PISD: variants seen among roughly 807,000 people sequenced by gnomAD.
PISD encodes the protein phosphatidylserine decarboxylase.
Under a neutral mutation model 43.5 loss-of-function variants are expected in PISD, and 31 were observed. That is an observed-to-expected ratio of 0.71 (90% CI 0.54 to 0.96). PISD has a LOEUF of 0.96. Among genes scored for constraint, PISD ranks in the 40% least tolerant of loss-of-function variants. PISD has a pLI of 0.00. For synonymous variants in PISD, 259 were observed against 228.7 expected (o/e 1.13, Z -1.20); for missense variants, 523 against 548.4 (o/e 0.95, Z 0.46).
intron 3 of PISD, among the ~76,000 whole-genome samples, chr22:31,634,584 T>G (rs537539177): frequency 1.3e-5 from 2 of 152,220 alleles, no homozygotes; most frequent in South Asian, 4.2e-4. Flanking sequence ...GTGTCTGTAA[T>G]CCCAGCACTT....
chr22:31,619,728 C>T lies in PISD; in HGVS notation c.1114G>A (p.Gly372Ser). 6.2e-7 allele frequency: 1 copy of T among 1,614,184 alleles called. No individual in the cohort carries two copies. The highest frequency in any genetic ancestry group is 1.1e-5 in the South Asian group (1 of 91,088). The change falls in exon 8 of 8, where the codon GGC (glycine) becomes AGC (serine). Residue 372 changes from glycine to serine, a missense_variant. Coordinates refer to ENST00000439502, the MANE Select transcript of PISD (RefSeq NM_001326411.2). Reference sequence around the variant, plus strand: ...ATGGTGGAGCCCAGGTTGAACTCGCCCAGGTGCTCGCCCTTACGCATGGGG... The same window carrying T: ...ATGGTGGAGCCCAGGTTGAACTCGCTCAGGTGCTCGCCCTTACGCATGGGG... Reference protein sequence around the residue: ...GVPMRKGEHLGEFNLGSTIVL... With the variant: ...GVPMRKGEHLSEFNLGSTIVL...
intron 3 of PISD, chr22:31,638,772 C>T (rs2073595394): frequency 5.7e-6 from 1 of 174,410 alleles, no homozygotes; most frequent in African/African-American, 2.4e-5. Flanking sequence ...GAGGCACACA[C>T]CACCACCCCT....
chr22:31,661,971 G>T (rs1354629307), intron 1 of PISD, among the ~76,000 whole-genome samples, 173 bp downstream of exon 1: 1 of 152,140 alleles, frequency 6.6e-6, no homozygotes, highest in East Asian at 1.9e-4. Flanking sequence ...AGTAAATCCG[G>T]ACCGCCCTAC....
At chr22:31,638,741 C>A (rs1001381778) in intron 3 of PISD, 5 of 380,916 alleles carry the variant, frequency 1.3e-5, no homozygotes, top group South Asian at 1.1e-4. Context: ...CCTGCCTCAG[C>A]CTCTCAGGCA....
chr22:31,655,789 C>A (rs1043776165), intron 1 of PISD, among the ~76,000 whole-genome samples: 5 of 152,002 alleles, frequency 3.3e-5, no homozygotes, highest in African/African-American at 1.2e-4. Context: ...CACAAGCCAC[C>A]ACACCCAGCT....
chr22:31,653,005 C>T (rs545052248), intron 1 of PISD, among the ~76,000 whole-genome samples: 17 of 147,978 alleles, frequency 1.1e-4, no homozygotes, highest in African/African-American at 4.0e-4. Context: ...CGCTACTGTA[C>T]TCCAGGCTGG....
intron 3 of PISD, among the ~76,000 whole-genome samples, chr22:31,637,686 G>C (rs1241209805): frequency 6.6e-6 from 1 of 152,168 alleles, no homozygotes; most frequent in Non-Finnish European, 1.5e-5. Context: ...CTACAGAAAA[G>C]CATCTCTGCT....
At chr22:31,620,496 CA>C in intron 7 of PISD, 56 bp downstream of exon 7, 1 of 1,560,570 alleles carries the variant, frequency 6.4e-7, no homozygotes, top group South Asian at 1.1e-5. Context: ...GCAGACAAGG[CA>C]GGTAGACCCA....
intron 3 of PISD, among the ~76,000 whole-genome samples, chr22:31,636,609 G>A (rs575232464): frequency 1.3e-5 from 2 of 148,624 alleles, no homozygotes; most frequent in South Asian, 2.2e-4. Flanking sequence ...GCACGATCTC[G>A]GCTCACTGCA....
chr22:31,658,705 C>G (rs1048204964), intron 1 of PISD, among the ~76,000 whole-genome samples: 1 of 151,832 alleles, frequency 6.6e-6, no homozygotes, highest in South Asian at 2.1e-4. Flanking sequence ...GTGCACCCAG[C>G]CATTTTTTGC....
chr22:31,662,332 G>C, upstream of PISD: 1 of 971,172 alleles, frequency 1.0e-6, no homozygotes, highest in South Asian at 1.3e-5. Flanking sequence ...AGCCGACTAA[G>C]CTCCGCCCTG....
chr22:31,648,852 T>C (rs2073957238), intron 2 of PISD, among the ~76,000 whole-genome samples: 1 of 152,002 alleles, frequency 6.6e-6, no homozygotes, highest in Non-Finnish European at 1.5e-5. Flanking sequence ...ACAAAATGTA[T>C]TAATAGATGA....
chr22:31,629,409 T>C (rs2073085466), intron 3 of PISD: 1 of 154,484 alleles, frequency 6.5e-6, no homozygotes, highest in Admixed American at 6.8e-5. Flanking sequence ...AGGTGGTGTG[T>C]GCGTAGGTGT....
rs142945357 is a variant in PISD, at chr22:31,621,462, G to A, written c.569C>T (p.Ser190Leu). Residue 190 changes from serine (S) to leucine (L), a missense_variant, in exon 5 of 8, where the codon TCG becomes TTG. Physicochemically the swap from Ser to Leu is moderately radical, Grantham distance 145. Transcript: ENST00000439502. ...VCGLHSVISP[S>L]DGRILNFGQV... ...CCCAAAGTTGAGGATCCTTCCATCC[G>A]ATGGGCTAATCTGGAAGGGCAGGAG... 102 of 1,614,012 alleles carry A rather than the reference G, an allele frequency of 6.3e-5. No individual in the cohort carries two copies. The highest frequency in any genetic ancestry group is 7.7e-5 in the Non-Finnish European group (91 of 1,180,028).
chr22:31,659,168 A>G (rs2074255151), intron 1 of PISD, among the ~76,000 whole-genome samples: 1 of 151,928 alleles, frequency 6.6e-6, no homozygotes, highest in Admixed American at 6.6e-5. Flanking sequence ...GACATTTTTA[A>G]CATCACCCCT....
intron 3 of PISD, among the ~76,000 whole-genome samples, chr22:31,635,085 GA>G (rs1233380352): frequency 6.6e-6 from 1 of 152,074 alleles, no homozygotes; most frequent in Non-Finnish European, 1.5e-5. Context: ...AGAATCGCTT[GA>G]ACCTGGGAGG....
At chr22:31,621,911 A>G (rs2072605197) in intron 3 of PISD, 26 bp from the exon 4 acceptor site, 2 of 1,534,516 alleles carry the variant, frequency 1.3e-6, no homozygotes, top group Admixed American at 3.3e-5. Context: ...CAAGGGGCTG[A>G]GTTGACCACA....
chr22:31,637,581 C>T (rs1237717015), intron 3 of PISD, among the ~76,000 whole-genome samples: 1 of 152,088 alleles, frequency 6.6e-6, no homozygotes, highest in Non-Finnish European at 1.5e-5. Context: ...TTCAGGCACT[C>T]ACGCTGGGAC....
chr22:31,662,003 C>T, intron 1 of PISD, 141 bp downstream of exon 1: 3 of 739,058 alleles, frequency 4.1e-6, no homozygotes, highest in Non-Finnish European at 7.0e-6. Flanking sequence ...CGCACCTGCT[C>T]CTAAGCTCGA....
Sources: allele counts gnomAD v4.1 joint callset (sites outside exome capture counted in the v4.1 genomes callset), GRCh38; gene constraint gnomAD v4.1.1; transcripts MANE v1.5; gene names NCBI Gene and HGNC (gene_info 2026-07-23, HGNC 2026-07-21).